ZNF248: variants seen among roughly 807,000 people sequenced by gnomAD.
ZNF248 encodes the protein zinc finger protein 248.
ZNF248 carries 20 observed loss-of-function variants against 44.3 expected under a neutral mutation model. The ratio of observed to expected loss-of-function variants is 0.45; its 90% CI spans 0.32 to 0.66. The LOEUF (loss-of-function observed/expected upper bound fraction) is 0.66. Among genes scored for constraint, ZNF248 ranks in the 30% least tolerant of loss-of-function variants. The pLI, the probability that ZNF248 is intolerant of heterozygous loss-of-function variation, is 0.04. For missense variants in ZNF248, 654 were observed against 677.0 expected, an observed-to-expected ratio of 0.97 and a Z score of 0.38; for synonymous variants, 224 against 229.0, an observed-to-expected ratio of 0.98 and a Z score of 0.20.
At chr10:37,808,001 G>C (rs957649821) in intron 6 of ZNF248, among the ~76,000 whole-genome samples, 1 of 152,138 alleles carries the variant, frequency 6.6e-6, no homozygotes, top group Admixed American at 6.5e-5. Flanking sequence ...TTACATTGAC[G>C]TAGTTTCCTT....
At chr10:37,790,752 A>G (rs1303997386) in intron 6 of ZNF248, among the ~76,000 whole-genome samples, 3 of 146,024 alleles carry the variant, frequency 2.1e-5, no homozygotes, top group Non-Finnish European at 4.6e-5. Flanking sequence ...AAAAAAATAA[A>G]AATAAAAAAT....
chr10:37,793,969 C>T (rs1185728242), intron 6 of ZNF248, among the ~76,000 whole-genome samples: 1 of 152,048 alleles, frequency 6.6e-6, no homozygotes, highest in African/African-American at 2.4e-5. Context: ...TACCAACTGT[C>T]CATAAGGTTT....
chr10:37,762,627 T>C, the ZNF248 span, among the ~76,000 whole-genome samples: 1 of 152,312 alleles, frequency 6.6e-6, no homozygotes, highest in Middle Eastern at 3.4e-3. Flanking sequence ...AAAGTATTTA[T>C]AGCATTTTAT....
the ZNF248 span, among the ~76,000 whole-genome samples, chr10:37,761,100 G>A: frequency 1.3e-5 from 2 of 152,114 alleles, no homozygotes; most frequent in South Asian, 4.1e-4. Context: ...TTTTCATGTA[G>A]ACACATTTTC....
downstream of ZNF248, among the ~76,000 whole-genome samples, chr10:37,824,615 A>AT (rs1312333755): frequency 1.2e-4 from 18 of 151,038 alleles, no homozygotes; most frequent in African/African-American, 4.1e-4. Context: ...TATAATGAGC[A>AT]TTTATAATCT....
downstream of ZNF248, chr10:37,775,450 C>T (rs1407026746): frequency 6.6e-6 from 1 of 152,074 alleles, no homozygotes. Context: ...TGGCCTGCTA[C>T]GGACCTTTGA....
intron 6 of ZNF248, among the ~76,000 whole-genome samples, chr10:37,791,042 C>CCT: frequency 2.0e-5 from 1 of 50,920 alleles, no homozygotes; most frequent in Non-Finnish European, 3.7e-5. Context: ...TTTGTTATTT[C>CCT]TTTTTTTTTT....
chr10:37,762,531 A>G, the ZNF248 span, among the ~76,000 whole-genome samples: 1 of 152,178 alleles, frequency 6.6e-6, no homozygotes, highest in African/African-American at 2.4e-5. Flanking sequence ...CTGGCTGAGA[A>G]TCTGTTTTTC....
At chr10:37,768,867 A>G in the ZNF248 span, among the ~76,000 whole-genome samples, 2 of 152,172 alleles carry the variant, frequency 1.3e-5, no homozygotes, top group Non-Finnish European at 2.9e-5. Flanking sequence ...AAATAGATAG[A>G]CTGCTAGCAA....
chr10:37,773,988 T>TACACACACACACAC (rs139568981), downstream of ZNF248, among the ~76,000 whole-genome samples: 8,753 of 149,176 alleles, frequency 0.059, 325 homozygotes, highest in Middle Eastern at 0.092. Flanking sequence ...TGAAAATGAA[T>TACACACACACACAC]ACACACACAC....
the ZNF248 span, among the ~76,000 whole-genome samples, chr10:37,767,537 G>C: frequency 6.6e-6 from 1 of 152,144 alleles, no homozygotes; most frequent in Non-Finnish European, 1.5e-5. Context: ...CTTCATAAGT[G>C]AAGGAGAAAT....
At chr10:37,777,464 T>C (rs2046711142) in intron 6 of ZNF248, among the ~76,000 whole-genome samples, 1 of 151,944 alleles carries the variant, frequency 6.6e-6, no homozygotes, top group African/African-American at 2.4e-5. Flanking sequence ...GCCCAATGCG[T>C]CTCCAGAATC....
intron 3 of ZNF248, among the ~76,000 whole-genome samples, chr10:37,853,863 GC>G (rs1173992911): frequency 1.3e-5 from 2 of 152,068 alleles, no homozygotes; most frequent in Non-Finnish European, 2.9e-5. Context: ...TGGGGTAAAG[GC>G]AAATAACTGT....
chr10:37,793,109 G>A (rs578099078), intron 6 of ZNF248, among the ~76,000 whole-genome samples: 113 of 152,070 alleles, frequency 7.4e-4, no homozygotes, highest in African/African-American at 2.4e-3. Context: ...TGCGGCAGGC[G>A]GATCACAAGG....
chr10:37,774,094 T>A (rs1180963561), downstream of ZNF248, among the ~76,000 whole-genome samples: 1 of 152,114 alleles, frequency 6.6e-6, no homozygotes, highest in Non-Finnish European at 1.5e-5. Context: ...TTTTTCTTCA[T>A]CTTAAAGTTT....
the ZNF248 span, among the ~76,000 whole-genome samples, chr10:37,763,921 A>G: frequency 6.6e-6 from 1 of 152,174 alleles, no homozygotes; most frequent in Non-Finnish European, 1.5e-5. Flanking sequence ...TGTCATCTTC[A>G]TAAGCTGAGG....
At chr10:37,798,228 A>G (rs1474662055) in intron 6 of ZNF248, among the ~76,000 whole-genome samples, 1 of 152,180 alleles carries the variant, frequency 6.6e-6, no homozygotes, top group Non-Finnish European at 1.5e-5. Flanking sequence ...GACAAATTAT[A>G]TAATTCCATT....
In ZNF248 at chr10:37,830,237, C is replaced by T. The variant is rs1589599474; in HGVS notation, c.*1378G>A. ...ATGTAAAAACCATTCTTATTAACAA[C>T]ATTTACATTACAGAATGACCCAGAG... On this transcript the variant is annotated 3_prime_UTR_variant, in exon 6 of 6. Transcript: ENST00000395867. 9.1e-6 allele frequency: 9 copies of T among 985,386 alleles called. No individual in the cohort carries two copies. Among genetic ancestry groups the T allele is most frequent in the African/African-American group, 7.0e-5 (4 of 57,344 alleles). 61.0% of individuals were successfully genotyped at this position (985,386 alleles called of 1,614,324 possible). A position where few individuals can be genotyped will look rare whatever the true frequency, so the allele number is the denominator to read the frequency against.
At chr10:37,814,309 GTTA>G (rs2052065132) in intron 6 of ZNF248, among the ~76,000 whole-genome samples, 1 of 152,132 alleles carries the variant, frequency 6.6e-6, no homozygotes, top group Non-Finnish European at 1.5e-5. Context: ...CACTTTTTAA[GTTA>G]TTGATGTCAA....
Sources: allele counts gnomAD v4.1 joint callset (sites outside exome capture counted in the v4.1 genomes callset), GRCh38; gene constraint gnomAD v4.1.1; transcripts MANE v1.5; gene names NCBI Gene and HGNC (gene_info 2026-07-23, HGNC 2026-07-21).